NADSYN1: variants seen among roughly 807,000 people sequenced by gnomAD.
NADSYN1 encodes glutamine-dependent NAD(+) synthetase.
Under a neutral mutation model 99.3 loss-of-function variants are expected in NADSYN1, and 80 were observed. The ratio of observed to expected loss-of-function variants is 0.81; its 90% CI spans 0.67 to 0.97. The LOEUF (loss-of-function observed/expected upper bound fraction) is 0.97. Among genes scored for constraint, NADSYN1 ranks in the 50% least tolerant of loss-of-function variants. NADSYN1 has a pLI of 0.00. For missense variants in NADSYN1, 859 were observed against 948.5 expected (o/e 0.91, Z 1.24); for synonymous variants, 385 against 372.1 (o/e 1.03, Z -0.40).
At position 71,501,297 on chromosome 11, in the gene NADSYN1, T is replaced by C. The variant is rs2120537504; in HGVS notation, c.2071-5T>C. The C allele has an allele frequency of 6.3e-7, 1 of 1,581,468 alleles. No individual in the cohort carries two copies. The highest frequency in any genetic ancestry group is 8.6e-7 in the Non-Finnish European group (1 of 1,162,896). ...GGCTGTGGTGTCACAGGCCTCTCTT[T>C]CCAGGTGCTACAGCTCGAGAGGGCA... On this transcript the variant is annotated splice_polypyrimidine_tract_variant and splice_region_variant and intron_variant, in intron 20 of 20. Coordinates refer to ENST00000319023, the MANE Select transcript of NADSYN1 (RefSeq NM_018161.5).
At chr11:71,486,892 G>A (rs1296566283) in intron 16 of NADSYN1, among the ~76,000 whole-genome samples, 3 of 127,184 alleles carry the variant, frequency 2.4e-5, no homozygotes, top group Non-Finnish European at 3.1e-5. Flanking sequence ...TGCAAGTTCC[G>A]CCTCCCGGGT....
intron 18 of NADSYN1, among the ~76,000 whole-genome samples, chr11:71,493,415 T>C (rs1225112404): frequency 6.6e-6 from 1 of 152,194 alleles, no homozygotes; most frequent in Non-Finnish European, 1.5e-5. Flanking sequence ...CATGTATTAG[T>C]GCTCAGAGCT....
intron 3 of NADSYN1, chr11:71,458,977 G>A (rs1025586062): frequency 4.6e-5 from 9 of 194,882 alleles, no homozygotes; most frequent in Admixed American, 2.2e-4. Context: ...TGTCTGTGCT[G>A]TACCCTGCAT....
chr11:71,477,321 G>T (rs934687530), intron 9 of NADSYN1: 13 of 1,284,658 alleles, frequency 1.0e-5, no homozygotes, highest in Non-Finnish European at 1.2e-5. Context: ...GGCTTCACAC[G>T]GACCGTGGCT....
intron 20 of NADSYN1, 21 bp from the exon 21 acceptor site, chr11:71,501,281 G>A (rs767882155): frequency 6.4e-7 from 1 of 1,553,872 alleles, no homozygotes; most frequent in South Asian, 1.2e-5. Context: ...GGGCTGTGGT[G>A]TCACAGGCCT....
At chr11:71,493,210 AGT>A (rs889928837) in intron 18 of NADSYN1, among the ~76,000 whole-genome samples, 3 of 152,210 alleles carry the variant, frequency 2.0e-5, no homozygotes, top group African/African-American at 7.2e-5. Context: ...GTCTTTCAAC[AGT>A]GTTTTTTCTA....
chr11:71,455,288 C>T lies in NADSYN1; in HGVS notation c.146+118C>T, dbSNP rs1298782600. The T allele has an allele frequency of 6.9e-6, 6 of 866,298 alleles. 1 individual carries two copies. Among genetic ancestry groups the T allele is most frequent in the Non-Finnish European group, 9.2e-6 (5 of 544,812 alleles). The allele number at this position is 866,298 out of a possible 1,614,324, so 53.7% of individuals were successfully genotyped here. A position where few individuals can be genotyped will look rare whatever the true frequency, so the allele number is the denominator to read the frequency against. On this transcript the variant is annotated intron_variant, in intron 2 of 20. Coordinates refer to ENST00000319023, the MANE Select transcript of NADSYN1 (RefSeq NM_018161.5). ...TCCTGAGAGCTGTGGACACGCCACA[C>T]CCACTGTTGGGCCTGGTTAATGCCA...
intron 9 of NADSYN1, among the ~76,000 whole-genome samples, chr11:71,475,817 A>G (rs1343431672): frequency 2.0e-5 from 3 of 152,066 alleles, no homozygotes; most frequent in African/African-American, 7.2e-5. Context: ...TGTTAAAGCA[A>G]TTCTGCCTCA....
chr11:71,484,263 T>C (rs377240206), intron 14 of NADSYN1, 49 bp from the exon 15 acceptor site: 55 of 1,598,022 alleles, frequency 3.4e-5, no homozygotes, highest in Non-Finnish European at 4.5e-5. Flanking sequence ...CGCACACACA[T>C]GCACACACGT....
rs990934096 is a variant in NADSYN1, at chr11:71,501,517, G to A, written c.*165G>A. 1.8e-5 allele frequency: 11 copies of A among 623,794 alleles called. No individual in the cohort carries two copies. In the East Asian group the frequency reaches 2.9e-4, roughly 17 times the overall value. 38.6% of individuals were successfully genotyped at this position (623,794 alleles called of 1,614,324 possible). A position where few individuals can be genotyped will look rare whatever the true frequency, so the allele number is the denominator to read the frequency against. On this transcript the variant is annotated 3_prime_UTR_variant, in exon 21 of 21. Transcript: ENST00000319023. ...AGTCAAATTCCTCAAAAAGAGGCTG[G>A]AATAAAGCCTGGGCTTAAAAAGAGG...
In NADSYN1 at chr11:71,491,839, T is replaced by C. The variant is rs746924959; in HGVS notation, c.1700T>C (p.Leu567Pro). 3 of 1,613,976 alleles carry C rather than the reference T, an allele frequency of 1.9e-6. 1 individual carries two copies. In the South Asian group the frequency reaches 3.3e-5, roughly 18 times the overall value. Residue 567 changes from leucine to proline, a missense_variant, in exon 18 of 21, where the codon CTG (leucine) becomes CCG (proline). Leu to Pro is a moderately conservative substitution (Grantham distance 98). Transcript: ENST00000319023. ...RFQLPALQSI[L>P]LAPATAELEP... ...TCTGTGTGTTTTGGCTGCAGCATCC[T>C]GTTGGCGCCGGCCACCGCAGAGCTG... is the stretch of plus-strand genomic sequence containing the variant.
intron 5 of NADSYN1, among the ~76,000 whole-genome samples, chr11:71,470,592 T>A (rs1267000738): frequency 2.0e-5 from 3 of 152,240 alleles, no homozygotes; most frequent in African/African-American, 4.8e-5. Flanking sequence ...ATTTTAGCAT[T>A]TCTGCAGGAG....
At chr11:71,488,458 A>C (rs1203774930) in intron 16 of NADSYN1, among the ~76,000 whole-genome samples, 1 of 152,136 alleles carries the variant, frequency 6.6e-6, no homozygotes, top group Non-Finnish European at 1.5e-5. Context: ...CTGAGAGCCC[A>C]TCATTGTCTC....
chr11:71,488,258 C>G (rs1309534759), intron 16 of NADSYN1, among the ~76,000 whole-genome samples: 1 of 152,014 alleles, frequency 6.6e-6, no homozygotes, highest in Non-Finnish European at 1.5e-5. Flanking sequence ...CAGTGATAGC[C>G]CAGCAGATAA....
intron 5 of NADSYN1, among the ~76,000 whole-genome samples, chr11:71,468,871 C>T (rs976255602): frequency 6.6e-6 from 1 of 152,174 alleles, no homozygotes; most frequent in Non-Finnish European, 1.5e-5. Flanking sequence ...AAGAAAGATA[C>T]CATTTATGAC....
intron 2 of NADSYN1, among the ~76,000 whole-genome samples, chr11:71,457,522 C>G (rs1445480084): frequency 6.6e-6 from 1 of 152,214 alleles, no homozygotes; most frequent in Non-Finnish European, 1.5e-5. Context: ...TTTAATGACA[C>G]CACAGATTAT....
chr11:71,476,879 GTTTCGTGCATTAGAA>G (rs1949670770), intron 9 of NADSYN1: 1 of 986,846 alleles, frequency 1.0e-6, no homozygotes, highest in Admixed American at 6.1e-5. Context: ...CCAGGCAGTT[GTTTCGTGCATTAGAA>G]TCCGGGAGCC....
intron 9 of NADSYN1, chr11:71,474,971 G>A: frequency 8.2e-6 from 2 of 243,872 alleles, no homozygotes; most frequent in South Asian, 5.5e-5. Flanking sequence ...GCAGGGCCAG[G>A]TGGGAGTGTG....
chr11:71,482,719 G>A lies in NADSYN1; in HGVS notation c.1151-130G>A, dbSNP rs113066457. On this transcript the variant is annotated intron_variant, in intron 13 of 20. Transcript: ENST00000319023. ...TGGGGGTGTAGACCGGGGTGGAGCC[G>A]CACAGGCACCTGGGGGTGTAGACCG... 6.1e-4 allele frequency: 589 copies of A among 964,854 alleles called. 5 individuals are homozygous for A. The African/African-American group carries it at 8.0e-3, about 13-fold the overall frequency. The allele number at this position is 964,854 out of a possible 1,614,324, so 59.8% of individuals were successfully genotyped here.
Sources: gnomAD v4.1 joint callset for allele counts (sites outside exome capture counted in the v4.1 genomes callset) on GRCh38, gnomAD v4.1.1 for gene constraint, MANE v1.5 for transcripts, NCBI Gene and HGNC (gene_info 2026-07-23, HGNC 2026-07-21) for gene names.